Variants in COL23A1 observed in about 807,000 individuals in gnomAD.
The protein encoded by COL23A1 is collagen type XXIII alpha 1 chain, also known as collagen alpha-1(XXIII) chain.
COL23A1 carries 97 observed loss-of-function variants against 99.3 expected under a neutral mutation model. The observed-to-expected ratio is 0.98, with a 90% confidence interval of 0.83 to 1.16. The LOEUF is 1.16. COL23A1 is among the 50% of genes most tolerant of loss of function. COL23A1 has a pLI of 0.00. For missense variants in COL23A1, 762 were observed against 757.4 expected (o/e 1.01, Z -0.07); for synonymous variants, 320 against 308.2 (o/e 1.04, Z -0.40).
chr5:178,535,964 G>A (rs1022371465), intron 2 of COL23A1, among the ~76,000 whole-genome samples: 7 of 152,220 alleles, frequency 4.6e-5, no homozygotes, highest in South Asian at 2.1e-4. Context: ...CCCAGGACCC[G>A]AGAGGGTCAT....
intron 8 of COL23A1, among the ~76,000 whole-genome samples, chr5:178,266,367 A>ATG (rs1291222660): frequency 1.3e-4 from 20 of 151,624 alleles, no homozygotes; most frequent in Admixed American, 5.9e-4. Flanking sequence ...TTGTGTGTGC[A>ATG]TGTGTGTGTG....
chr5:178,529,927 A>C (rs1366943367), intron 2 of COL23A1, among the ~76,000 whole-genome samples: 1 of 152,194 alleles, frequency 6.6e-6, no homozygotes, highest in East Asian at 1.9e-4. Context: ...CATCTCTCAA[A>C]ATCAACCAGG....
rs2127607886 is a variant in COL23A1 at position 178,309,043 on chromosome 5, G to A, written c.362-2124C>T. 6.6e-6 allele frequency among the ~76,000 whole-genome samples: 1 copy of A among 152,316 alleles called. No homozygotes were observed. Among genetic ancestry groups the A allele is most frequent in the East Asian group, 1.9e-4 (1 of 5,186 alleles). ...GCCCCAGGCAGAGTGAGGGGGCATG[G>A]CAGGAAAGGGGCCAGGAATGGGGGA... On this transcript the variant is annotated intron_variant, in intron 2 of 28. Coordinates refer to ENST00000390654, the MANE Select transcript of COL23A1 (RefSeq NM_173465.4). This position sits in a 1 kb window ranked among gnomAD's most constrained non-coding sequence, Gnocchi z 4.7.
chr5:178,278,078 G>C (rs1756692424), intron 5 of COL23A1, among the ~76,000 whole-genome samples: 1 of 152,232 alleles, frequency 6.6e-6, no homozygotes, highest in Non-Finnish European at 1.5e-5. Context: ...AGAGTAGGGA[G>C]CAGCAGCTGA....
rs183382650 is a variant in COL23A1, at chr5:178,476,740, G to A, written c.361+83942C>T. 3.9e-5 allele frequency among the ~76,000 whole-genome samples: 6 copies of A among 152,362 alleles called. No individual in the cohort carries two copies. In the East Asian group the frequency reaches 9.6e-4, roughly 25 times the overall value. ...AACATGGGCGGGGCCACTTTGGCCA[G>A]ATCAGAGACAGTGCCAGGGCCCACT... On this transcript the variant is annotated intron_variant, in intron 2 of 28. Coordinates refer to ENST00000390654, the MANE Select transcript of COL23A1 (RefSeq NM_173465.4).
rs139430120 is a variant in COL23A1, at chr5:178,406,133, T to C, written c.362-99214A>G. On this transcript the variant is annotated intron_variant, in intron 2 of 28. Coordinates refer to ENST00000390654, the MANE Select transcript of COL23A1 (RefSeq NM_173465.4). Reference sequence around the variant, plus strand: ...AAACAAACCAACAAACAAAAACTAATGGCATTCTCATGTACAAATAATAAC... The same window carrying C: ...AAACAAACCAACAAACAAAAACTAACGGCATTCTCATGTACAAATAATAAC... 5.2e-3 allele frequency among the ~76,000 whole-genome samples: 798 copies of C among 152,156 alleles called. 7 individuals carry two copies. Among genetic ancestry groups the C allele is most frequent in the African/African-American group, 0.018 (752 of 41,506 alleles).
intron 3 of COL23A1, among the ~76,000 whole-genome samples, chr5:178,303,923 T>G (rs1758203781): frequency 6.6e-6 from 1 of 152,114 alleles, no homozygotes; most frequent in African/African-American, 2.4e-5. Flanking sequence ...TGATGGACAC[T>G]CTTGGGGATA....
chr5:178,469,844 G>A (rs1037358936), intron 2 of COL23A1, among the ~76,000 whole-genome samples: 4 of 152,146 alleles, frequency 2.6e-5, no homozygotes, highest in South Asian at 4.1e-4. Flanking sequence ...CCACGGAACC[G>A]TCTCCAACCA....
intron 2 of COL23A1, among the ~76,000 whole-genome samples, chr5:178,362,077 A>G (rs561104214): frequency 2.0e-5 from 3 of 152,198 alleles, no homozygotes; most frequent in Non-Finnish European, 4.4e-5. Context: ...ACAAGCAACA[A>G]GGAGGCTTCC....
At chr5:178,402,149 G>C (rs1360448395) in intron 2 of COL23A1, among the ~76,000 whole-genome samples, 2 of 152,130 alleles carry the variant, frequency 1.3e-5, no homozygotes, top group East Asian at 1.9e-4. Flanking sequence ...GTATCCATTA[G>C]TTGTCAGATC....
intron 2 of COL23A1, among the ~76,000 whole-genome samples, chr5:178,329,900 G>A (rs1033476691): frequency 2.7e-5 from 4 of 150,128 alleles, no homozygotes; most frequent in African/African-American, 9.8e-5. Context: ...TTGCGCCACT[G>A]CACTCCAGCG....
chr5:178,384,285 T>C lies in COL23A1; in HGVS notation c.362-77366A>G, dbSNP rs1763548793. On this transcript the variant is annotated intron_variant, in intron 2 of 28. Transcript: ENST00000390654. The surrounding 1 kb of genome is among the most constrained non-coding windows in gnomAD (Gnocchi z 5.5). ...CCCGCCCAGGGCAGTTCTCAAAACCTGGATCCGGCGACGGAGGCCCGGCCT... is the reference window on the plus strand; with the variant it reads ...CCCGCCCAGGGCAGTTCTCAAAACCCGGATCCGGCGACGGAGGCCCGGCCT... Among the ~76,000 whole-genome samples, 1 of 152,224 alleles carries C rather than the reference T, an allele frequency of 6.6e-6. No homozygotes were observed. Among genetic ancestry groups the C allele is most frequent in the African/African-American group, 2.4e-5 (1 of 41,462 alleles).
intron 2 of COL23A1, among the ~76,000 whole-genome samples, chr5:178,542,651 GA>G (rs932540950): frequency 6.8e-6 from 1 of 146,170 alleles, no homozygotes; most frequent in Non-Finnish European, 1.5e-5. Flanking sequence ...AGGCAGGGAA[GA>G]AAAAATACCA....
In COL23A1 at chr5:178,555,917, G is replaced by A. The variant is rs913335164; in HGVS notation, c.361+4765C>T. Reference sequence around the variant, plus strand: ...AGGAACCTGTGTTTGCTGCGGTAAAGCCCAGCCTCTCCCCACAGACTGAGG... The same window carrying A: ...AGGAACCTGTGTTTGCTGCGGTAAAACCCAGCCTCTCCCCACAGACTGAGG... On this transcript the variant is annotated intron_variant, in intron 2 of 28. Coordinates refer to ENST00000390654, the MANE Select transcript of COL23A1 (RefSeq NM_173465.4). Among the ~76,000 whole-genome samples the A allele has an allele frequency of 5.3e-5, 8 of 152,184 alleles. 1 individual carries two copies. The highest frequency in any genetic ancestry group is 8.8e-5 in the Non-Finnish European group (6 of 68,034).
chr5:178,554,626 A>C (rs1409872994), intron 2 of COL23A1, among the ~76,000 whole-genome samples: 1 of 151,888 alleles, frequency 6.6e-6, no homozygotes, highest in African/African-American at 2.4e-5. Flanking sequence ...AAAAGATCCT[A>C]ATTTTTCATG....
At chr5:178,385,212 C>G (rs983747877) in intron 2 of COL23A1, among the ~76,000 whole-genome samples, 2 of 152,180 alleles carry the variant, frequency 1.3e-5, no homozygotes, top group Non-Finnish European at 2.9e-5. Flanking sequence ...GCCTCTCAGA[C>G]TCTTCTCCTT....
intron 2 of COL23A1, among the ~76,000 whole-genome samples, chr5:178,343,439 T>C (rs1244332983): frequency 4.6e-5 from 7 of 152,242 alleles, no homozygotes; most frequent in Non-Finnish European, 1.0e-4. Context: ...AACCATAAAC[T>C]TGTCGGTAAA....
At chr5:178,420,124 G>T (rs1317708390) in intron 2 of COL23A1, among the ~76,000 whole-genome samples, 1 of 152,134 alleles carries the variant, frequency 6.6e-6, no homozygotes, top group East Asian at 1.9e-4. Flanking sequence ...GCTGAACCAA[G>T]AACTGTTTTC....
In COL23A1 at chr5:178,589,827, GC is replaced by G. The variant is rs1304811192; in HGVS notation, c.294+76del. The G allele has an allele frequency of 1.1e-5, 13 of 1,205,606 alleles. No individual in the cohort carries two copies. In the African/African-American group the frequency reaches 1.4e-4, roughly 13 times the overall value. The allele number at this position is 1,205,606 out of a possible 1,614,324, so 74.7% of individuals were successfully genotyped here. A position where few individuals can be genotyped will look rare whatever the true frequency, so the allele number is the denominator to read the frequency against. On this transcript the variant is annotated intron_variant, in intron 1 of 28. Coordinates refer to ENST00000390654, the MANE Select transcript of COL23A1 (RefSeq NM_173465.4). The surrounding 1 kb of genome is among the most constrained non-coding windows in gnomAD (Gnocchi z 5.4). The stretch of plus-strand genomic sequence containing the variant: ...CCCTCCTCCCAGAGACCTGCACGCT[GC>G]CCCCGGCTCCCAGCGTACCGCCACC...
Sources: gnomAD v4.1 joint callset for allele counts (sites outside exome capture counted in the v4.1 genomes callset) on GRCh38, gnomAD v4.1.1 for gene constraint, Gnocchi (gnomAD v3.1) non-coding constraint, MANE v1.5 for transcripts, NCBI Gene and HGNC (gene_info 2026-07-23, HGNC 2026-07-21) for gene names.